Variants in PTGER3 observed in about 807,000 individuals in gnomAD.
PTGER3 encodes the protein prostaglandin E receptor 3, also known as prostaglandin E2 receptor EP3 subtype.
Under a neutral mutation model 34.7 loss-of-function variants are expected in PTGER3, and 22 were observed. That is an observed-to-expected ratio of 0.63 (90% CI 0.45 to 0.91). PTGER3 has a LOEUF of 0.91. PTGER3 is among the 40% of genes least tolerant of loss of function. PTGER3 has a pLI of 0.00. For missense variants in PTGER3, 468 were observed against 519.4 expected (o/e 0.90, Z 0.96); for synonymous variants, 241 against 230.1 (o/e 1.05, Z -0.43).
chr1:71,000,950 G>A (rs11209732), intron 2 of PTGER3, among the ~76,000 whole-genome samples: 27,648 of 152,040 alleles, frequency 0.18, 3,089 homozygotes, highest in East Asian at 0.44. Context: ...CAGCAAAATA[G>A]AAAATCAGCA....
In PTGER3 at chr1:70,935,693, A is replaced by ATATATATT. The variant is rs1491421864; in HGVS notation, c.*23+18069_*23+18070insAATATATA. Among the ~76,000 whole-genome samples the ATATATATT allele has an allele frequency of 3.8e-3, 538 of 140,746 alleles. 4 individuals carry two copies. Among genetic ancestry groups the ATATATATT allele is most frequent in the African/African-American group, 0.013 (516 of 38,930 alleles). The allele number at this position is 140,746 out of a possible 152,430, so 92.3% of individuals were successfully genotyped here. A position where few individuals can be genotyped will look rare whatever the true frequency, so the allele number is the denominator to read the frequency against. On this transcript the variant is annotated intron_variant, in intron 4 of 4. Transcript: ENST00000370931. ...TATAAATATATATATATATATATATATGTTCTGCTTTCTGCCTTTTAAGCA... is the reference window on the plus strand; with the variant it reads ...TATAAATATATATATATATATATATATATATATTTGTTCTGCTTTCTGCCTTTTAAGCA...
chr1:71,039,522 C>T lies in PTGER3; in HGVS notation c.897+7159G>A, dbSNP rs1037708201. Reference sequence around the variant, plus strand: ...AAAATTAGCCGGGTGTGGTGGTGGGCGCCTGTAGTCCCAGCTACTCGGGAG... The same window carrying T: ...AAAATTAGCCGGGTGTGGTGGTGGGTGCCTGTAGTCCCAGCTACTCGGGAG... On this transcript the variant is annotated intron_variant, in intron 1 of 3. Transcript: ENST00000306666. 7.9e-5 allele frequency among the ~76,000 whole-genome samples: 12 copies of T among 151,170 alleles called. No individual in the cohort carries two copies. The East Asian group carries it at 1.4e-3, about 17-fold the overall frequency.
intron 4 of PTGER3, among the ~76,000 whole-genome samples, chr1:70,856,922 A>G (rs1645819118): frequency 6.6e-6 from 1 of 152,206 alleles, no homozygotes; most frequent in Admixed American, 6.5e-5. Context: ...CACCACCACA[A>G]AGATTTGTTG....
Position 70,991,061 on chromosome 1 carries a change from T to G in PTGER3, c.1078-16673A>C, listed in dbSNP as rs140340943. On this transcript the variant is annotated intron_variant, in intron 2 of 3. Transcript: ENST00000306666. The stretch of plus-strand genomic sequence containing the variant: ...CATTGACCTTGGGCTTCCATTTGAT[T>G]AATAATAAAAGTCACCTAACCTTAA... 9.9e-3 allele frequency among the ~76,000 whole-genome samples: 1,501 copies of G among 152,240 alleles called. 35 individuals carry two copies. The highest frequency in any genetic ancestry group is 0.035 in the African/African-American group (1,438 of 41,516).
intron 4 of PTGER3, among the ~76,000 whole-genome samples, chr1:70,939,276 T>C (rs1169740866): frequency 6.6e-6 from 1 of 152,218 alleles, no homozygotes; most frequent in Non-Finnish European, 1.5e-5. Context: ...CTTGGGCAGC[T>C]CCACTTCTGT....
intron 4 of PTGER3, among the ~76,000 whole-genome samples, chr1:70,937,271 A>G (rs1163422004): frequency 3.9e-5 from 6 of 152,168 alleles, no homozygotes; most frequent in Admixed American, 3.9e-4. Flanking sequence ...TGTGGTTTTT[A>G]TTTTGTGTTG....
At chr1:70,906,337 G>A (rs1646947067) in intron 4 of PTGER3, among the ~76,000 whole-genome samples, 1 of 152,340 alleles carries the variant, frequency 6.6e-6, no homozygotes, top group East Asian at 1.9e-4. Context: ...GTGCAGAAGA[G>A]TGGTACAGAT....
At chr1:70,918,669 A>G (rs1245476782) in intron 4 of PTGER3, among the ~76,000 whole-genome samples, 2 of 151,832 alleles carry the variant, frequency 1.3e-5, no homozygotes, top group Admixed American at 6.6e-5. Context: ...TCTGGGCCTT[A>G]CTCTCCTCAC....
chr1:70,939,667 TCCACCCTCTGAAG>T (rs888035216), intron 4 of PTGER3, among the ~76,000 whole-genome samples: 10 of 152,244 alleles, frequency 6.6e-5, no homozygotes, highest in African/African-American at 2.4e-4. Context: ...GCTTAGGGCT[TCCACCCTCTGAAG>T]CCACAGACTG....
rs1239934126 is a variant in PTGER3, at chr1:70,889,444, TC to T, written c.*24-36586del. Among the ~76,000 whole-genome samples the T allele has an allele frequency of 2.7e-5, 4 of 148,392 alleles. No homozygotes were observed. The East Asian group carries it at 7.9e-4, about 29-fold the overall frequency. On this transcript the variant is annotated intron_variant, in intron 4 of 4. Coordinates refer to the PTGER3 transcript ENST00000370931. Reference sequence around the variant, plus strand: ...AAAAAAAAAAAAAAAAAGATTGTTCTCTGTTTTTGTTGGCTTATGTTTTATT... The same window carrying T: ...AAAAAAAAAAAAAAAAAGATTGTTCTTGTTTTTGTTGGCTTATGTTTTATT...
chr1:70,891,633 G>A (rs1253029519), intron 4 of PTGER3, among the ~76,000 whole-genome samples: 1 of 152,190 alleles, frequency 6.6e-6, no homozygotes, highest in Non-Finnish European at 1.5e-5. Flanking sequence ...ACACCCATTT[G>A]TGGTTTTAGA....
chr1:71,030,381 G>A (rs561815000), intron 1 of PTGER3, among the ~76,000 whole-genome samples: 1 of 152,240 alleles, frequency 6.6e-6, no homozygotes, highest in South Asian at 2.1e-4. Context: ...TCATACTGGA[G>A]GCTTTAGAAC....
At chr1:70,945,941 C>T (rs1650186214) in intron 4 of PTGER3, among the ~76,000 whole-genome samples, 2 of 151,976 alleles carry the variant, frequency 1.3e-5, no homozygotes, top group Admixed American at 1.3e-4. Context: ...TTTGGTATTG[C>T]AAAGTTAAAT....
chr1:70,875,356 A>C (rs1344507888), intron 4 of PTGER3, among the ~76,000 whole-genome samples: 32 of 152,210 alleles, frequency 2.1e-4, no homozygotes, highest in Admixed American at 2.0e-3. Flanking sequence ...CAAACTAATC[A>C]GTACTTAAGC....
At chr1:71,003,579 C>A (rs1365548344) in intron 2 of PTGER3, among the ~76,000 whole-genome samples, 1 of 151,976 alleles carries the variant, frequency 6.6e-6, no homozygotes, top group African/African-American at 2.4e-5. Context: ...GGGTGAGTAA[C>A]CTATATTGCT....
chr1:71,006,708 T>C (rs1657000095), intron 2 of PTGER3: 1 of 985,022 alleles, frequency 1.0e-6, no homozygotes, highest in Non-Finnish European at 1.2e-6. Flanking sequence ...AACAAAATGA[T>C]CTAATTTTTC....
chr1:70,891,929 T>C (rs1404470417), intron 4 of PTGER3, among the ~76,000 whole-genome samples: 2 of 152,230 alleles, frequency 1.3e-5, no homozygotes, highest in Admixed American at 6.5e-5. Flanking sequence ...GAAATTGCAC[T>C]TAGAGGTAGT....
intron 3 of PTGER3, among the ~76,000 whole-genome samples, chr1:70,973,680 A>T (rs904492123): frequency 6.6e-6 from 1 of 152,230 alleles, no homozygotes; most frequent in Non-Finnish European, 1.5e-5. Context: ...ACCTTTTCAC[A>T]GTCCTTCTTA....
At chr1:70,935,911 C>T (rs1456166888) in intron 4 of PTGER3, among the ~76,000 whole-genome samples, 3 of 151,842 alleles carry the variant, frequency 2.0e-5, no homozygotes, top group African/African-American at 7.3e-5. Context: ...AAGGGAATAG[C>T]AGGAAATTAC....
Sources: gnomAD v4.1 joint callset for allele counts (sites outside exome capture counted in the v4.1 genomes callset) on GRCh38, gnomAD v4.1.1 for gene constraint, MANE v1.5 for transcripts, NCBI Gene and HGNC (gene_info 2026-07-23, HGNC 2026-07-21) for gene names.